Variants in TENM2 observed in about 807,000 individuals in gnomAD.
TENM2 encodes the protein teneurin transmembrane protein 2.
Under a neutral mutation model 245.2 loss-of-function variants are expected in TENM2, and 52 were observed. The observed-to-expected ratio is 0.21, with a 90% CI of 0.17 to 0.27. TENM2 has a LOEUF of 0.27. Among genes scored for constraint, TENM2 ranks in the 10% least tolerant of loss-of-function variants. The probability of loss-of-function intolerance (pLI) is 1.00; values close to 1 mark genes in which losing one functional copy is unlikely to be tolerated. For missense variants in TENM2, 3,046 were observed against 3,666.8 expected, an observed-to-expected ratio of 0.83 and a Z score of 4.37; for synonymous variants, 1,363 against 1,438.9, an observed-to-expected ratio of 0.95 and a Z score of 1.19.
intron 1 of TENM2, among the ~76,000 whole-genome samples, chr5:167,344,307 C>CATATATATAT (rs1206561623): frequency 2.5e-4 from 16 of 63,418 alleles, no homozygotes; most frequent in African/African-American, 5.5e-4. Flanking sequence ...CACACACACA[C>CATATATATAT]ACATATATAT....
intron 1 of TENM2, among the ~76,000 whole-genome samples, chr5:167,321,337 C>G: frequency 6.6e-6 from 1 of 152,236 alleles, no homozygotes; most frequent in South Asian, 2.1e-4. Context: ...GGTGTCATTC[C>G]TGAAGCTTCT....
At chr5:168,066,767 T>C (rs1267404048) in intron 7 of TENM2, among the ~76,000 whole-genome samples, 1 of 152,158 alleles carries the variant, frequency 6.6e-6, no homozygotes, top group Non-Finnish European at 1.5e-5. Context: ...ATGTGTACAG[T>C]GGAAGCCTAA....
intron 1 of TENM2, among the ~76,000 whole-genome samples, chr5:167,365,362 G>T (rs558836887): frequency 2.0e-5 from 3 of 150,246 alleles, no homozygotes; most frequent in Non-Finnish European, 3.0e-5. Context: ...CATTTCTACC[G>T]CAAGAACCTA....
At chr5:167,555,204 G>A (rs1773192246) in intron 2 of TENM2, among the ~76,000 whole-genome samples, 1 of 152,066 alleles carries the variant, frequency 6.6e-6, no homozygotes, top group Admixed American at 6.6e-5. Flanking sequence ...CCTAATTTGG[G>A]GCTGGCTACG....
At chr5:166,994,568 G>C in the TENM2 span, among the ~76,000 whole-genome samples, 1 of 152,144 alleles carries the variant, frequency 6.6e-6, no homozygotes, top group Non-Finnish European at 1.5e-5. Context: ...GGAGTCCCAG[G>C]AGTGTCCCTT....
intron 4 of TENM2, among the ~76,000 whole-genome samples, chr5:167,982,795 T>A (rs1782942672): frequency 6.6e-6 from 1 of 152,224 alleles, no homozygotes; most frequent in African/African-American, 2.4e-5. Context: ...AGAGCCTGAC[T>A]TTGTAATTTG....
intron 12 of TENM2, among the ~76,000 whole-genome samples, chr5:168,150,475 G>A (rs186450490): frequency 6.6e-6 from 1 of 152,298 alleles, no homozygotes; most frequent in East Asian, 1.9e-4. Flanking sequence ...TCCCCAAGTA[G>A]GATCCTCATG....
intron 4 of TENM2, among the ~76,000 whole-genome samples, chr5:167,961,059 C>A (rs1390482152): frequency 6.6e-6 from 1 of 152,160 alleles, no homozygotes; most frequent in Non-Finnish European, 1.5e-5. Context: ...GTGAGATGAG[C>A]CTAGTACTTC....
At chr5:167,135,631 C>T in the TENM2 span, among the ~76,000 whole-genome samples, 1 of 151,978 alleles carries the variant, frequency 6.6e-6, no homozygotes, top group Non-Finnish European at 1.5e-5. Context: ...AAAAAATTAG[C>T]CAGGTATGGG....
chr5:167,555,986 C>A (rs1210050504), intron 2 of TENM2, among the ~76,000 whole-genome samples: 1 of 151,988 alleles, frequency 6.6e-6, no homozygotes, highest in Admixed American at 6.6e-5. Flanking sequence ...GTTTGGGGAA[C>A]CCCTAATGGT....
intron 2 of TENM2, among the ~76,000 whole-genome samples, chr5:167,763,988 A>G (rs1484926537): frequency 6.6e-6 from 1 of 152,076 alleles, no homozygotes; most frequent in East Asian, 1.9e-4. Context: ...CTCAATCAAT[A>G]CAAGTCAGAA....
Position 167,319,794 on chromosome 5 carries a change from A to C in TENM2, c.226+34731A>C, listed in dbSNP as rs549138170. Among the ~76,000 whole-genome samples, 42 of 152,362 alleles carry C rather than the reference A, an allele frequency of 2.8e-4. 1 individual carries two copies. In the South Asian group the frequency reaches 8.1e-3, roughly 29 times the overall value. ...AATTACTTCAGTGTCACCTCACTTT[A>C]TATTCAAACCTACCTAGAACCTATT... On this transcript the variant is annotated intron_variant, in intron 1 of 28. Coordinates refer to ENST00000518659, the Ensembl canonical transcript of TENM2.
chr5:167,090,844 A>G, the TENM2 span, among the ~76,000 whole-genome samples: 190 of 151,614 alleles, frequency 1.3e-3, 2 homozygotes, highest in East Asian at 0.031. Flanking sequence ...ATTGCACTAG[A>G]TTCTAAAATG....
intron 2 of TENM2, among the ~76,000 whole-genome samples, chr5:167,566,648 A>G (rs1040100116): frequency 2.0e-5 from 3 of 152,190 alleles, no homozygotes; most frequent in Non-Finnish European, 4.4e-5. Flanking sequence ...TCATTGTGCA[A>G]CTTCTGGTTG....
At chr5:167,558,069 C>A (rs1773364137) in intron 2 of TENM2, among the ~76,000 whole-genome samples, 2 of 152,120 alleles carry the variant, frequency 1.3e-5, no homozygotes, top group Admixed American at 6.5e-5. Flanking sequence ...GAAACAGAAA[C>A]CTTCAGTGCT....
chr5:168,214,488 A>G (rs1025532164), intron 20 of TENM2, among the ~76,000 whole-genome samples: 2 of 152,202 alleles, frequency 1.3e-5, no homozygotes, highest in Admixed American at 6.5e-5. Context: ...CCATGTCCAC[A>G]CTGAAGAGCA....
the TENM2 span, among the ~76,000 whole-genome samples, chr5:167,047,843 A>G: frequency 6.6e-6 from 1 of 151,584 alleles, no homozygotes; most frequent in South Asian, 2.1e-4. Flanking sequence ...TTTTCAGAGA[A>G]CTACTACATC....
chr5:167,914,821 G>T (rs1776807086), intron 3 of TENM2, among the ~76,000 whole-genome samples: 1 of 152,114 alleles, frequency 6.6e-6, no homozygotes, highest in Non-Finnish European at 1.5e-5. Flanking sequence ...TGCCTGTGTG[G>T]TCACACGGTG....
chr5:167,268,111 T>C, the TENM2 span, among the ~76,000 whole-genome samples: 5 of 149,212 alleles, frequency 3.4e-5, no homozygotes, highest in African/African-American at 1.2e-4. Context: ...ATGAAATATC[T>C]TTATTATCTT....
Sources: gnomAD v4.1 joint callset for allele counts (sites outside exome capture counted in the v4.1 genomes callset) on GRCh38, gnomAD v4.1.1 for gene constraint, MANE v1.5 for transcripts, NCBI Gene and HGNC (gene_info 2026-07-23, HGNC 2026-07-21) for gene names.